SLC8A1: variants seen among roughly 807,000 people sequenced by gnomAD.
SLC8A1 encodes the protein solute carrier family 8 member A1.
A neutral mutation model predicts 68.3 loss-of-function variants in SLC8A1; 18 were observed. The observed-to-expected ratio is 0.26, with a 90% CI of 0.18 to 0.39. The LOEUF (loss-of-function observed/expected upper bound fraction) is 0.39, where lower values mean the gene tolerates loss of function less well. Among genes scored for constraint, SLC8A1 ranks in the 10% least tolerant of loss-of-function variants. The pLI is 1.00. For synonymous variants in SLC8A1, 475 were observed against 415.5 expected, an observed-to-expected ratio of 1.14 and a Z score of -1.74; for missense variants, 985 against 1,156.7, an observed-to-expected ratio of 0.85 and a Z score of 2.15.
intron 1 of SLC8A1, among the ~76,000 whole-genome samples, chr2:40,450,402 G>C (rs10164458): frequency 0.44 from 67,007 of 151,808 alleles, 16,116 homozygotes; most frequent in Non-Finnish European, 0.56. Context: ...GCATGGGAAA[G>C]AGAGGTATAC....
At chr2:40,425,565 A>T (rs1696638048) in intron 2 of SLC8A1, among the ~76,000 whole-genome samples, 1 of 150,886 alleles carries the variant, frequency 6.6e-6, no homozygotes, top group East Asian at 1.9e-4. Flanking sequence ...TTAAACAAAC[A>T]TTTTTTTTTC....
chr2:40,341,209 G>A (rs1446865778), intron 2 of SLC8A1, among the ~76,000 whole-genome samples: 2 of 152,090 alleles, frequency 1.3e-5, no homozygotes, highest in Non-Finnish European at 1.5e-5. Flanking sequence ...CTGAAAATTA[G>A]TTGGCTTCGT....
At chr2:40,382,294 T>C (rs760561415) in intron 2 of SLC8A1, among the ~76,000 whole-genome samples, 1 of 152,124 alleles carries the variant, frequency 6.6e-6, no homozygotes, top group Non-Finnish European at 1.5e-5. Flanking sequence ...TGATGACTTA[T>C]TGGTGAACTG....
chr2:40,464,056 G>C (rs973919880), intron 1 of SLC8A1, among the ~76,000 whole-genome samples: 19 of 152,010 alleles, frequency 1.2e-4, no homozygotes, highest in African/African-American at 3.6e-4. Flanking sequence ...CACCACGCCA[G>C]GCTAGTTATT....
chr2:40,297,832 G>A (rs2070710308), intron 2 of SLC8A1, among the ~76,000 whole-genome samples: 1 of 152,140 alleles, frequency 6.6e-6, no homozygotes, highest in African/African-American at 2.4e-5. Flanking sequence ...AAAATGTTAA[G>A]CTGAAAAATT....
At chr2:40,420,372 AC>A (rs66562541) in intron 2 of SLC8A1, among the ~76,000 whole-genome samples, 20,151 of 146,646 alleles carry the variant, frequency 0.14, 2,398 homozygotes, top group East Asian at 0.65. Context: ...AAAAAAAAAA[AC>A]AGACCAAGAA....
intron 2 of SLC8A1, among the ~76,000 whole-genome samples, chr2:40,304,095 G>T (rs531457294): frequency 1.3e-5 from 2 of 152,180 alleles, no homozygotes; most frequent in African/African-American, 2.4e-5. Flanking sequence ...CACAATATTT[G>T]AGTCCTTTAG....
At chr2:40,358,292 C>T (rs1375982628) in intron 2 of SLC8A1, among the ~76,000 whole-genome samples, 2 of 150,510 alleles carry the variant, frequency 1.3e-5, no homozygotes, top group Admixed American at 6.6e-5. Context: ...AAAAAAAGAC[C>T]CACCACATTG....
chr2:40,373,041 A>G (rs1404675697), intron 2 of SLC8A1, among the ~76,000 whole-genome samples: 1 of 86,712 alleles, frequency 1.2e-5, no homozygotes, highest in African/African-American at 6.8e-5. Context: ...GGGGAAAAAA[A>G]AATTCAAACT....
chr2:40,267,727 T>C (rs992537427), intron 2 of SLC8A1, among the ~76,000 whole-genome samples: 2 of 152,210 alleles, frequency 1.3e-5, no homozygotes, highest in Admixed American at 6.5e-5. Context: ...TCACTAACCG[T>C]ATTTTTGAAT....
chr2:40,440,464 TAGG>T (rs1208904141), intron 1 of SLC8A1, among the ~76,000 whole-genome samples: 2 of 152,204 alleles, frequency 1.3e-5, no homozygotes, highest in Non-Finnish European at 2.9e-5. Context: ...CAATGATTAA[TAGG>T]AGAACATTCA....
chr2:40,255,238 C>CCCCCCATGGTGGAAA, intron 2 of SLC8A1: 1 of 152,250 alleles, frequency 6.6e-6, no homozygotes, highest in East Asian at 1.9e-4. Context: ...CTCTCCCCCA[C>CCCCCCATGGTGGAAA]CCCCCATGGT....
intron 2 of SLC8A1, among the ~76,000 whole-genome samples, chr2:40,416,519 A>T (rs1029009158): frequency 6.6e-6 from 1 of 152,130 alleles, no homozygotes. Context: ...GTGTTATGTC[A>T]TTTTTTAAAA....
intron 1 of SLC8A1, among the ~76,000 whole-genome samples, chr2:40,512,124 C>T (rs906079803): frequency 6.6e-6 from 1 of 152,146 alleles, no homozygotes; most frequent in African/African-American, 2.4e-5. Context: ...TATTTGGCAG[C>T]AAATCTGTGT....
intron 2 of SLC8A1, among the ~76,000 whole-genome samples, chr2:40,333,454 G>GA (rs2076644333): frequency 2.6e-5 from 3 of 117,162 alleles, no homozygotes; most frequent in African/African-American, 1.1e-4. Context: ...AAAAAAAAAA[G>GA]AAAAGAAAAA....
At chr2:40,121,742 C>T (rs1430212956) in intron 7 of SLC8A1, among the ~76,000 whole-genome samples, 1 of 152,022 alleles carries the variant, frequency 6.6e-6, no homozygotes, top group East Asian at 1.9e-4. Flanking sequence ...GAGCCAGATC[C>T]CCAGAGAATC....
chr2:40,471,530 A>G (rs914153186), intron 1 of SLC8A1, among the ~76,000 whole-genome samples: 2 of 152,092 alleles, frequency 1.3e-5, no homozygotes, highest in Non-Finnish European at 2.9e-5. Flanking sequence ...GATCCTATGG[A>G]GTGAGACAGT....
intron 2 of SLC8A1, among the ~76,000 whole-genome samples, chr2:40,326,837 G>C (rs765740327): frequency 3.3e-5 from 5 of 152,222 alleles, no homozygotes; most frequent in African/African-American, 1.2e-4. Flanking sequence ...TTAAATTGAC[G>C]ATGTAAATTT....
Position 40,153,144 on chromosome 2 carries a change from A to T in SLC8A1, c.2161+7621T>A, listed in dbSNP as rs186832695. On this transcript the variant is annotated intron_variant, in intron 6 of 7. Transcript: ENST00000406785. ...TAATTTAAAGATACCTGTGAAGTAA[A>T]ATTAGTAGTAATTTGTGTGATAATT... Among the ~76,000 whole-genome samples, 47 of 152,318 alleles carry T rather than the reference A, an allele frequency of 3.1e-4. 1 individual carries two copies. Among genetic ancestry groups the T allele is most frequent in the Admixed American group, 2.4e-3 (37 of 15,300 alleles).
Sources: gnomAD v4.1 joint callset for allele counts (sites outside exome capture counted in the v4.1 genomes callset) on GRCh38, gnomAD v4.1.1 for gene constraint, MANE v1.5 for transcripts, NCBI Gene and HGNC (gene_info 2026-07-23, HGNC 2026-07-21) for gene names.